FBXO31: variants seen among roughly 807,000 people sequenced by gnomAD.
FBXO31 encodes the protein F-box protein 31, also known as F-box only protein 31.
Under a neutral mutation model 54.4 loss-of-function variants are expected in FBXO31, and 24 were observed. That is an observed-to-expected ratio of 0.44 (90% confidence interval 0.32 to 0.62). The LOEUF (loss-of-function observed/expected upper bound fraction) is 0.62. Ranked by LOEUF, FBXO31 falls within the 20% of genes least tolerant of loss-of-function variation. The pLI, the probability that FBXO31 is intolerant of heterozygous loss-of-function variation, is 0.05. For missense variants in FBXO31, 665 were observed against 787.1 expected (o/e 0.84, Z 1.86); for synonymous variants, 388 against 335.6 (o/e 1.16, Z -1.71).
Position 87,333,964 on chromosome 16 carries a change from C to T in FBXO31, c.1319G>A (p.Cys440Tyr). The change falls in exon 8 of 9, where the codon TGT becomes TAT. Residue 440 changes from cysteine (C) to tyrosine (Y), a missense_variant. Physicochemically the swap from Cys to Tyr is radical, Grantham distance 194 (BLOSUM62 -2). This residue lies in a region of FBXO31 where 165 missense variants were observed against 159.7 expected (regional missense o/e 1.03). Transcript: ENST00000311635. The stretch of plus-strand genomic sequence containing the variant: ...CAGCACGAACGGCTGCCCCTGCCCA[C>T]ACTGGGCAGGCTGCTCGGCCGCAGC... ...AVAAAEQPAQ[C>Y]GQGQPFVLPV... The T allele has an allele frequency of 1.9e-6, 3 of 1,612,744 alleles. No homozygotes were observed. Among genetic ancestry groups the T allele is most frequent in the Non-Finnish European group, 1.7e-6 (2 of 1,179,802 alleles).
At chr16:87,363,802 A>G (rs1439357439) in intron 1 of FBXO31, among the ~76,000 whole-genome samples, 3 of 143,444 alleles carry the variant, frequency 2.1e-5, no homozygotes, top group African/African-American at 7.8e-5. Context: ...TGATAATAAA[A>G]GACTTAGTCT....
chr16:87,343,793 T>C lies in FBXO31; in HGVS notation c.490-28A>G, dbSNP rs769730662. On this transcript the variant is annotated intron_variant, in intron 3 of 8. Transcript: ENST00000311635. ...ACAGGAGGAGATGGGCAAAGGTCCA[T>C]GAGTGGCTCCCGGGCCAGAGCAAGG... 69 of 1,612,942 alleles carry C rather than the reference T, an allele frequency of 4.3e-5. 2 individuals carry two copies. In the South Asian group the frequency reaches 4.8e-4, roughly 11 times the overall value.
intron 1 of FBXO31, among the ~76,000 whole-genome samples, chr16:87,382,133 C>T (rs1907105168): frequency 6.6e-6 from 1 of 151,800 alleles, no homozygotes; most frequent in Non-Finnish European, 1.5e-5. Context: ...GTCTTCAAAG[C>T]ACTGTTTATG....
At chr16:87,334,419 T>C in intron 7 of FBXO31, 133 bp from the exon 8 acceptor site, 1 of 767,662 alleles carries the variant, frequency 1.3e-6, no homozygotes, top group Non-Finnish European at 2.0e-6. Context: ...CAACGTCCCT[T>C]ACAGAAGAAG....
At chr16:87,337,056 C>A (rs549921657) in intron 5 of FBXO31, among the ~76,000 whole-genome samples, 1 of 152,284 alleles carries the variant, frequency 6.6e-6, no homozygotes, top group African/African-American at 2.4e-5. Flanking sequence ...CTCCAAACTC[C>A]GACAAGAAAC....
At chr16:87,344,233 T>G (rs1049479955) in intron 3 of FBXO31, among the ~76,000 whole-genome samples, 11 of 152,206 alleles carry the variant, frequency 7.2e-5, no homozygotes, top group Non-Finnish European at 1.2e-4. Context: ...CTTAGGGCGC[T>G]GCCCGGAGGG....
chr16:87,336,118 G>T lies in FBXO31; in HGVS notation c.842+37C>A. 1.4e-5 allele frequency: 22 copies of T among 1,575,408 alleles called. No individual in the cohort carries two copies. The highest frequency in any genetic ancestry group is 1.9e-5 in the Non-Finnish European group (22 of 1,145,772). On this transcript the variant is annotated intron_variant, in intron 6 of 8. Transcript: ENST00000311635. The surrounding 1 kb of genome is among the most constrained non-coding windows in gnomAD (Gnocchi z 6.5). ...GGCTGGTCCCCAGCACACACCAGGA[G>T]AGGGCTACCCCAGCACCGAGCAGGA...
Position 87,330,915 on chromosome 16 carries a change from C to T in FBXO31, c.*373G>A, listed in dbSNP as rs781199819. ...ACACGACCCAGTCTATCACTCTATC[C>T]GCTCACAGGAAGAGCACCAGTCAGG... is the stretch of plus-strand genomic sequence containing the variant. On this transcript the variant is annotated 3_prime_UTR_variant, in exon 9 of 9. Coordinates refer to ENST00000311635, the MANE Select transcript of FBXO31 (RefSeq NM_024735.5). 7.7e-6 allele frequency: 2 copies of T among 259,158 alleles called. No individual in the cohort carries two copies. Among genetic ancestry groups the T allele is most frequent in the South Asian group, 4.6e-5 (1 of 21,758 alleles). The allele number at this position is 259,158 out of a possible 1,614,324, so 16.1% of individuals were successfully genotyped here.
rs1310456606 is a variant in FBXO31 at position 87,335,809 on chromosome 16, A to C, written c.842+346T>G. Among the ~76,000 whole-genome samples the C allele has an allele frequency of 6.6e-6, 1 of 152,146 alleles. No homozygotes were observed. The highest frequency in any genetic ancestry group is 1.5e-5 in the Non-Finnish European group (1 of 68,006). On this transcript the variant is annotated intron_variant, in intron 6 of 8. Coordinates refer to ENST00000311635, the MANE Select transcript of FBXO31 (RefSeq NM_024735.5). The surrounding 1 kb of genome is among the most constrained non-coding windows in gnomAD (Gnocchi z 5.7). Reference sequence around the variant, plus strand: ...CCCCGCACTGGGCTGAGCGGGGCTGAGCTCTAGAGTGCCAGTGTTGGCAGG... The same window carrying C: ...CCCCGCACTGGGCTGAGCGGGGCTGCGCTCTAGAGTGCCAGTGTTGGCAGG...
chr16:87,351,741 C>A (rs1027648538), intron 2 of FBXO31, among the ~76,000 whole-genome samples: 1 of 152,130 alleles, frequency 6.6e-6, no homozygotes, highest in African/African-American at 2.4e-5. Context: ...TCGTGGCGTA[C>A]GCCTATAATC....
chr16:87,357,287 C>T (rs1428994276), intron 2 of FBXO31, among the ~76,000 whole-genome samples: 3 of 149,100 alleles, frequency 2.0e-5, no homozygotes, highest in Non-Finnish European at 4.4e-5. Flanking sequence ...ATAACTGTGG[C>T]TTAGAAAAAT....
intron 1 of FBXO31, among the ~76,000 whole-genome samples, chr16:87,371,137 G>A (rs544533335): frequency 1.3e-5 from 2 of 152,182 alleles, no homozygotes; most frequent in African/African-American, 4.8e-5. Context: ...AACAAAGCCT[G>A]GGCGCAGCCC....
At chr16:87,333,462 G>A (rs1235429027) in intron 8 of FBXO31, among the ~76,000 whole-genome samples, 1 of 152,188 alleles carries the variant, frequency 6.6e-6, no homozygotes, top group Non-Finnish European at 1.5e-5. Flanking sequence ...CAAACCAGAC[G>A]GGCTTTCCAC....
chr16:87,343,014 C>A (rs1294684859), intron 4 of FBXO31, 63 bp from the exon 5 acceptor site: 2 of 1,459,874 alleles, frequency 1.4e-6, no homozygotes, highest in Middle Eastern at 1.8e-4. Flanking sequence ...CAGCATCCCC[C>A]ACCCCAGGCA....
chr16:87,361,749 A>G (rs1484807662), intron 1 of FBXO31, among the ~76,000 whole-genome samples: 2 of 152,030 alleles, frequency 1.3e-5, no homozygotes, highest in Non-Finnish European at 2.9e-5. Context: ...CACTGACCGT[A>G]CTCAAAGTAA....
rs568735171 is a variant in FBXO31, at chr16:87,378,393, C to T, written c.340+5012G>A. Among the ~76,000 whole-genome samples the T allele has an allele frequency of 1.4e-4, 21 of 152,260 alleles. No individual in the cohort carries two copies. In the South Asian group the frequency reaches 4.1e-3, roughly 30 times the overall value. Reference sequence around the variant, plus strand: ...GAATAAAATTCACCCAAATTGGCATCGATTTTTAAAGAGGAATCATTAAAA... The same window carrying T: ...GAATAAAATTCACCCAAATTGGCATTGATTTTTAAAGAGGAATCATTAAAA... On this transcript the variant is annotated intron_variant, in intron 1 of 8. Coordinates refer to ENST00000311635, the MANE Select transcript of FBXO31 (RefSeq NM_024735.5).
At chr16:87,366,728 C>T (rs1342713138) in intron 1 of FBXO31, among the ~76,000 whole-genome samples, 6 of 152,154 alleles carry the variant, frequency 3.9e-5, no homozygotes, top group Admixed American at 6.5e-5. Flanking sequence ...GGATCATCCA[C>T]GATGGGCTGC....
At chr16:87,382,505 C>T (rs1216044351) in intron 1 of FBXO31, among the ~76,000 whole-genome samples, 1 of 152,198 alleles carries the variant, frequency 6.6e-6, no homozygotes, top group Admixed American at 6.5e-5. Flanking sequence ...ACATCTCCTC[C>T]TGTGATCTGT....
intron 1 of FBXO31, among the ~76,000 whole-genome samples, chr16:87,379,544 C>CA (rs1238101442): frequency 6.6e-6 from 1 of 152,176 alleles, no homozygotes; most frequent in Admixed American, 6.5e-5. Flanking sequence ...ATTGTGCCTG[C>CA]ACTGAATAAA....
Sources: gnomAD v4.1 joint callset for allele counts (sites outside exome capture counted in the v4.1 genomes callset) on GRCh38, gnomAD v4.1.1 for gene constraint, gnomAD v4.1.1 regional missense constraint, Gnocchi (gnomAD v3.1) non-coding constraint, MANE v1.5 for transcripts, NCBI Gene and HGNC (gene_info 2026-07-23, HGNC 2026-07-21) for gene names.